The following ORC5 variants were observed in gnomAD, a reference collection of about 807,000 sequenced individuals.
ORC5 encodes the protein origin recognition complex subunit 5.
A neutral mutation model predicts 58.8 loss-of-function variants in ORC5; 39 were observed. The observed-to-expected ratio is 0.66, with a 90% CI of 0.51 to 0.87. The LOEUF (loss-of-function observed/expected upper bound fraction) is 0.87. ORC5 is among the 40% of genes least tolerant of loss of function. The pLI, the probability that ORC5 is intolerant of heterozygous loss-of-function variation, is 0.00. For missense variants in ORC5, 493 were observed against 506.3 expected (o/e 0.97, Z 0.25); for synonymous variants, 218 against 177.6 (o/e 1.23, Z -1.81).
rs1217205579 is a variant in ORC5, at chr7:104,136,094, C to T, written c.1262+687G>A. Among the ~76,000 whole-genome samples the T allele has an allele frequency of 6.6e-6, 1 of 152,048 alleles. No homozygotes were observed. The highest frequency in any genetic ancestry group is 2.4e-5 in the African/African-American group (1 of 41,402). ...TCATTTTGACAAATGTACTTTCTTC[C>T]CCAGAACTTCTAACATTCTAGAATT... On this transcript the variant is annotated intron_variant, in intron 13 of 13. Transcript: ENST00000297431. This position sits in a 1 kb window ranked among gnomAD's most constrained non-coding sequence, Gnocchi z 4.2.
At chr7:104,174,580 C>T (rs1799282898) in intron 8 of ORC5, among the ~76,000 whole-genome samples, 1 of 152,174 alleles carries the variant, frequency 6.6e-6, no homozygotes, top group South Asian at 2.1e-4. Context: ...CCACCAGGAA[C>T]AGCAGGCGAC....
chr7:104,142,502 C>T (rs2115775087), intron 12 of ORC5, among the ~76,000 whole-genome samples: 1 of 151,714 alleles, frequency 6.6e-6, no homozygotes, highest in East Asian at 1.9e-4. Flanking sequence ...ATGGCATAAA[C>T]AAGATAATAG....
intron 5 of ORC5, among the ~76,000 whole-genome samples, chr7:104,189,904 C>G (rs532774042): frequency 2.6e-5 from 4 of 152,194 alleles, no homozygotes; most frequent in African/African-American, 9.6e-5. Context: ...CAGGTAGAAA[C>G]CTGGGACTTA....
intron 8 of ORC5, among the ~76,000 whole-genome samples, chr7:104,183,366 C>T (rs1799475660): frequency 1.3e-5 from 2 of 152,082 alleles, no homozygotes; most frequent in African/African-American, 4.8e-5. Flanking sequence ...AGGACAGCTC[C>T]GTTCTGGCAC....
At chr7:104,157,729 A>G (rs1798949941) in intron 12 of ORC5, among the ~76,000 whole-genome samples, 1 of 152,070 alleles carries the variant, frequency 6.6e-6, no homozygotes, top group Admixed American at 6.6e-5. Flanking sequence ...ATTTCTAAAA[A>G]CAGAAAATGC....
At chr7:104,195,466 A>C (rs1038198012) in intron 4 of ORC5, among the ~76,000 whole-genome samples, 3 of 152,212 alleles carry the variant, frequency 2.0e-5, no homozygotes, top group African/African-American at 7.2e-5. Flanking sequence ...CAGTGGCATA[A>C]TCACAGCTCA....
At chr7:104,188,111 C>T (rs1349313111) in intron 6 of ORC5, 140 bp downstream of exon 6, 2 of 950,876 alleles carry the variant, frequency 2.1e-6, no homozygotes, top group East Asian at 2.8e-5. Flanking sequence ...TATGCAAATT[C>T]CCAGAATAAA....
intron 12 of ORC5, among the ~76,000 whole-genome samples, chr7:104,149,418 C>T (rs1480198654): frequency 1.3e-5 from 2 of 152,000 alleles, no homozygotes; most frequent in African/African-American, 4.8e-5. Context: ...TTTTCTTGTC[C>T]GTTTTGTCAA....
In ORC5 at chr7:104,207,994, TCCCGCCGGAAACCGGA is replaced by T; in HGVS notation, c.-106_-91del. On this transcript the variant is annotated 5_prime_UTR_variant, in exon 1 of 14. Transcript: ENST00000297431. ...CTCTCCCGAGTCTGGCGGCCCACGC[TCCCGCCGGAAACCGGA>T]CCCGCAGCGTCGTGGGAGGAGCCTG... 3 of 1,290,746 alleles carry T rather than the reference TCCCGCCGGAAACCGGA, an allele frequency of 2.3e-6. No homozygotes were observed. Among genetic ancestry groups the T allele is most frequent in the Non-Finnish European group, 3.3e-6 (3 of 901,714 alleles). The allele number at this position is 1,290,746 out of a possible 1,614,324, so 80.0% of individuals were successfully genotyped here. A position where few individuals can be genotyped will look rare whatever the true frequency, so the allele number is the denominator to read the frequency against.
At chr7:104,186,673 T>C (rs1432888635) in intron 6 of ORC5, among the ~76,000 whole-genome samples, 2 of 152,002 alleles carry the variant, frequency 1.3e-5, no homozygotes, top group African/African-American at 4.8e-5. Context: ...TCAAGAAATA[T>C]GCCACTTACA....
intron 6 of ORC5, among the ~76,000 whole-genome samples, chr7:104,185,468 T>C (rs1799524760): frequency 6.6e-6 from 1 of 152,134 alleles, no homozygotes; most frequent in African/African-American, 2.4e-5. Context: ...AATTAACTGT[T>C]GTTTTCTAAG....
At chr7:104,163,143 T>A (rs1159356813) in intron 11 of ORC5, among the ~76,000 whole-genome samples, 1 of 152,168 alleles carries the variant, frequency 6.6e-6, no homozygotes, top group Non-Finnish European at 1.5e-5. Context: ...TTTCTCTAAG[T>A]AGGATTGCTG....
intron 11 of ORC5, among the ~76,000 whole-genome samples, chr7:104,162,853 T>G (rs1430298681): frequency 6.6e-6 from 1 of 152,152 alleles, no homozygotes; most frequent in Admixed American, 6.5e-5. Context: ...TATCTAGAAT[T>G]TGATGTACTC....
chr7:104,206,805 T>C (rs1307149161), intron 1 of ORC5, among the ~76,000 whole-genome samples: 3 of 152,196 alleles, frequency 2.0e-5, no homozygotes, highest in Admixed American at 2.0e-4. Flanking sequence ...TTAGACACTT[T>C]TAGATGCAGA....
chr7:104,138,075 C>A lies in ORC5; in HGVS notation c.1150-1182G>T, dbSNP rs1260164760. 6.6e-6 allele frequency among the ~76,000 whole-genome samples: 1 copy of A among 152,204 alleles called. No individual in the cohort carries two copies. The highest frequency in any genetic ancestry group is 1.5e-5 in the Non-Finnish European group (1 of 68,038). The stretch of plus-strand genomic sequence containing the variant: ...CCCACAACCTGCCCGTCTGCATGCT[C>A]CCATTAGAGGTTTGAGCAGCGGGAC... On this transcript the variant is annotated intron_variant, in intron 12 of 13. Transcript: ENST00000297431. The surrounding 1 kb of genome is among the most constrained non-coding windows in gnomAD (Gnocchi z 4.7).
intron 4 of ORC5, among the ~76,000 whole-genome samples, chr7:104,196,609 T>A (rs1213727069): frequency 6.6e-6 from 1 of 152,160 alleles, no homozygotes; most frequent in East Asian, 1.9e-4. Context: ...TTCCAGCAGA[T>A]TCTCAAATTT....
chr7:104,197,015 C>G lies in ORC5; in HGVS notation c.441+710G>C, dbSNP rs1192685300. ...TTTGGCTTTCACCTGACACAAATGC[C>G]TAGTAAGTCCGCCCCTGTCCTTTTC... On this transcript the variant is annotated intron_variant, in intron 4 of 13. Coordinates refer to ENST00000297431, the MANE Select transcript of ORC5 (RefSeq NM_002553.4). Among the ~76,000 whole-genome samples the G allele has an allele frequency of 2.0e-5, 3 of 152,158 alleles. No homozygotes were observed. In the East Asian group the frequency reaches 5.8e-4, roughly 29 times the overall value.
At chr7:104,141,024 T>A (rs1259411354) in intron 12 of ORC5, among the ~76,000 whole-genome samples, 5 of 152,194 alleles carry the variant, frequency 3.3e-5, no homozygotes, top group Non-Finnish European at 7.3e-5. Flanking sequence ...GAAACTCACC[T>A]GACTAGGAAT....
intron 7 of ORC5, 21 bp from the exon 8 acceptor site, chr7:104,184,054 T>C: frequency 1.2e-6 from 2 of 1,600,086 alleles, no homozygotes; most frequent in Non-Finnish European, 1.7e-6. Flanking sequence ...GGGAAGAAAA[T>C]TTCAGTAATT....
Sources: allele counts gnomAD v4.1 joint callset (sites outside exome capture counted in the v4.1 genomes callset), GRCh38; gene constraint gnomAD v4.1.1; non-coding constraint Gnocchi (gnomAD v3.1); transcripts MANE v1.5; gene names NCBI Gene and HGNC (gene_info 2026-07-23, HGNC 2026-07-21).